Variants in CTNNA3 observed in about 807,000 individuals in gnomAD.
The protein encoded by CTNNA3 is catenin alpha 3, also known as catenin alpha-3.
CTNNA3 carries 76 observed loss-of-function variants against 95.7 expected under a neutral mutation model. The ratio of observed to expected loss-of-function variants is 0.79; its 90% CI spans 0.66 to 0.96. The LOEUF (loss-of-function observed/expected upper bound fraction) is 0.96, where lower values mean the gene tolerates loss of function less well. Ranked by LOEUF, CTNNA3 falls within the 40% of genes least tolerant of loss-of-function variation. The probability of loss-of-function intolerance (pLI) is 0.00; values close to 1 mark genes in which losing one functional copy is unlikely to be tolerated. For missense variants in CTNNA3, 1,191 were observed against 1,089.8 expected (o/e 1.09, Z -1.31); for synonymous variants, 431 against 374.4 (o/e 1.15, Z -1.74).
chr10:66,840,354 TCTCTCTCTCTCTCTCTCTCACACACACA>T (rs1843014190), intron 7 of CTNNA3, among the ~76,000 whole-genome samples: 4 of 124,184 alleles, frequency 3.2e-5, no homozygotes, highest in African/African-American at 1.5e-4. Flanking sequence ...TCTCTCTCTC[TCTCTCTCTCTCTCTCTCTCACACACACA>T]CACACACACA....
At chr10:66,234,841 T>C (rs1237473657) in intron 13 of CTNNA3, among the ~76,000 whole-genome samples, 3 of 152,158 alleles carry the variant, frequency 2.0e-5, no homozygotes, top group Non-Finnish European at 4.4e-5. Flanking sequence ...ATTTCCGAGA[T>C]TACCTTCCAA....
intron 11 of CTNNA3, among the ~76,000 whole-genome samples, chr10:66,459,652 T>C: frequency 6.6e-6 from 1 of 152,222 alleles, no homozygotes; most frequent in African/African-American, 2.4e-5. Context: ...AGTGTGTACT[T>C]ACACAAACCT....
intron 5 of CTNNA3, among the ~76,000 whole-genome samples, chr10:67,327,825 G>T (rs964950974): frequency 6.6e-6 from 1 of 152,216 alleles, no homozygotes; most frequent in Non-Finnish European, 1.5e-5. Context: ...CAGCTGGGGG[G>T]CCTCCGCTGG....
intron 5 of CTNNA3, among the ~76,000 whole-genome samples, chr10:67,383,491 G>C (rs1014176654): frequency 3.3e-5 from 5 of 152,144 alleles, no homozygotes; most frequent in Non-Finnish European, 7.4e-5. Flanking sequence ...TGCATATTAA[G>C]ATTCTCACCA....
At chr10:66,432,797 C>T (rs2093308106) in intron 11 of CTNNA3, among the ~76,000 whole-genome samples, 1 of 152,098 alleles carries the variant, frequency 6.6e-6, no homozygotes, top group Non-Finnish European at 1.5e-5. Context: ...AATGCTATCC[C>T]TACCCTTGCC....
chr10:65,920,716 C>T, intron 17 of CTNNA3, 99 bp from the exon 18 acceptor site: 2 of 1,307,076 alleles, frequency 1.5e-6, no homozygotes, highest in Non-Finnish European at 2.1e-6. Flanking sequence ...GCCCCAGCTA[C>T]TCAGGAGGCT....
chr10:66,930,545 C>T (rs1847318050), intron 7 of CTNNA3, among the ~76,000 whole-genome samples: 1 of 152,128 alleles, frequency 6.6e-6, no homozygotes, highest in African/African-American at 2.4e-5. Flanking sequence ...AACCCCATTT[C>T]TATTCTTTTT....
intron 11 of CTNNA3, among the ~76,000 whole-genome samples, chr10:66,513,901 G>C (rs551199604): frequency 6.6e-6 from 1 of 152,260 alleles, no homozygotes; most frequent in Admixed American, 6.5e-5. Context: ...GAGACCCTGT[G>C]GCACCATTAG....
chr10:67,422,518 T>C (rs1055126705), intron 5 of CTNNA3, among the ~76,000 whole-genome samples: 4 of 152,134 alleles, frequency 2.6e-5, no homozygotes, highest in African/African-American at 7.2e-5. Context: ...ACCCCAGATA[T>C]AGCTTAGATT....
intron 5 of CTNNA3, among the ~76,000 whole-genome samples, chr10:67,282,868 G>A (rs1048275600): frequency 2.0e-5 from 3 of 152,060 alleles, no homozygotes; most frequent in Admixed American, 1.3e-4. Context: ...CCATTCTCCC[G>A]CAAGGCTAGC....
intron 6 of CTNNA3, among the ~76,000 whole-genome samples, chr10:67,203,560 G>C (rs2132217735): frequency 6.6e-6 from 1 of 152,232 alleles, no homozygotes; most frequent in Admixed American, 6.5e-5. Flanking sequence ...GCCACTTCCA[G>C]TCACTACAAC....
chr10:66,133,172 C>T (rs1033401401), intron 13 of CTNNA3, among the ~76,000 whole-genome samples: 2 of 151,770 alleles, frequency 1.3e-5, no homozygotes, highest in East Asian at 1.9e-4. Flanking sequence ...TAGTTGAATC[C>T]TATCCTAATA....
Position 67,115,414 on chromosome 10 carries a change from A to G in CTNNA3, c.1047+64903T>C, listed in dbSNP as rs560734059. Among the ~76,000 whole-genome samples the G allele has an allele frequency of 9.2e-5, 14 of 152,126 alleles. No homozygotes were observed. In the East Asian group the frequency reaches 2.1e-3, roughly 23 times the overall value. ...AATGATGAGTTAATGGGTGCAGCAC[A>G]CCAGCATGGCACATGTATACATATG... On this transcript the variant is annotated intron_variant, in intron 7 of 17. Coordinates refer to ENST00000433211, the MANE Select transcript of CTNNA3 (RefSeq NM_013266.4).
intron 13 of CTNNA3, among the ~76,000 whole-genome samples, chr10:66,244,047 T>G (rs913455275): frequency 6.6e-6 from 1 of 151,818 alleles, no homozygotes. Flanking sequence ...CCAGACCTTG[T>G]AGCATTTACC....
At chr10:66,028,779 G>A (rs1331260687) in intron 15 of CTNNA3, among the ~76,000 whole-genome samples, 4 of 152,068 alleles carry the variant, frequency 2.6e-5, no homozygotes, top group African/African-American at 9.7e-5. Context: ...TGGGGAAGCA[G>A]AGATTACTCA....
At chr10:66,899,446 G>A (rs985723932) in intron 7 of CTNNA3, among the ~76,000 whole-genome samples, 6 of 152,164 alleles carry the variant, frequency 3.9e-5, no homozygotes, top group East Asian at 1.9e-4. Flanking sequence ...TAGCAAGATC[G>A]ACGCAGACCT....
At chr10:66,090,227 G>A (rs527511777) in intron 14 of CTNNA3, among the ~76,000 whole-genome samples, 1 of 152,034 alleles carries the variant, frequency 6.6e-6, no homozygotes, top group South Asian at 2.1e-4. Context: ...TTTGTACATA[G>A]GAGGAAATTT....
chr10:67,006,219 A>G (rs931185812), intron 7 of CTNNA3, among the ~76,000 whole-genome samples: 1 of 152,088 alleles, frequency 6.6e-6, no homozygotes, highest in African/African-American at 2.4e-5. Flanking sequence ...CAGAGTCAGG[A>G]TTTAAGTTTA....
intron 7 of CTNNA3, among the ~76,000 whole-genome samples, chr10:67,000,485 G>A (rs946179744): frequency 6.6e-6 from 1 of 152,258 alleles, no homozygotes; most frequent in Admixed American, 6.5e-5. Context: ...CTTACACAAG[G>A]TCTTCCACTT....
Sources: allele counts gnomAD v4.1 joint callset (sites outside exome capture counted in the v4.1 genomes callset), GRCh38; gene constraint gnomAD v4.1.1; transcripts MANE v1.5; gene names NCBI Gene and HGNC (gene_info 2026-07-23, HGNC 2026-07-21).